HIPK4: variants seen among roughly 807,000 people sequenced by gnomAD.
The protein encoded by HIPK4 is homeodomain interacting protein kinase 4.
In HIPK4, 26 loss-of-function variants were observed where a neutral mutation model predicts 44.8. The observed-to-expected ratio is 0.58, with a 90% CI of 0.43 to 0.80. HIPK4 has a LOEUF of 0.80. HIPK4 is among the 30% of genes least tolerant of loss of function. The pLI is 0.00. For synonymous variants in HIPK4, 340 were observed against 355.5 expected (o/e 0.96, Z 0.49); for missense variants, 729 against 862.6 (o/e 0.85, Z 1.94).
chr19:40,389,896 T>C lies in HIPK4; in HGVS notation c.7A>G (p.Thr3Ala), dbSNP rs1599646935. The C allele has an allele frequency of 6.2e-7, 1 of 1,604,986 alleles. No individual in the cohort carries two copies. Among genetic ancestry groups the C allele is most frequent in the Non-Finnish European group, 8.5e-7 (1 of 1,178,752 alleles). ...TAGCAGTCAGTCTCCGACTGGATGG[T>C]GGACATGGTGCCGCTGCTGCCAGAC... MS[T>A]IQSETDCYDI... The change falls in exon 1 of 4, where the codon ACC becomes GCC. Residue 3 changes from threonine (T) to alanine (A), a missense_variant. By Grantham distance (58) the Thr-to-Ala change is moderately conservative. Coordinates refer to ENST00000291823, the MANE Select transcript of HIPK4 (RefSeq NM_144685.5). This position sits in a 1 kb window ranked among gnomAD's most constrained non-coding sequence, Gnocchi z 4.6.
intron 2 of HIPK4, among the ~76,000 whole-genome samples, chr19:40,383,011 C>T (rs2079344715): frequency 6.7e-6 from 1 of 149,368 alleles, no homozygotes; most frequent in Non-Finnish European, 1.5e-5. Flanking sequence ...CGCACCACTG[C>T]ACTCCAGCCT....
intron 2 of HIPK4, among the ~76,000 whole-genome samples, chr19:40,381,792 T>TTA (rs2079338234): frequency 7.7e-6 from 1 of 129,806 alleles, no homozygotes; most frequent in Non-Finnish European, 1.7e-5. Flanking sequence ...TCCTTTTTTT[T>TTA]TTTTTTTTTT....
rs754177099 is a variant in HIPK4 at position 40,389,933 on chromosome 19, C to T, written c.-31G>A. 2.6e-6 allele frequency: 4 copies of T among 1,563,598 alleles called. No homozygotes were observed. The highest frequency in any genetic ancestry group is 3.5e-6 in the Non-Finnish European group (4 of 1,152,412). Reference sequence around the variant, plus strand: ...CGCTGCTGCCAGACACCGCCCTGCCCAGGCCCCTGTACCACTGGCTCTGCC... The same window carrying T: ...CGCTGCTGCCAGACACCGCCCTGCCTAGGCCCCTGTACCACTGGCTCTGCC... On this transcript the variant is annotated 5_prime_UTR_variant, in exon 1 of 4. Coordinates refer to ENST00000291823, the MANE Select transcript of HIPK4 (RefSeq NM_144685.5). This position sits in a 1 kb window ranked among gnomAD's most constrained non-coding sequence, Gnocchi z 4.6.
At position 40,381,079 on chromosome 19, in the gene HIPK4, G is replaced by A. The variant is rs760914615; in HGVS notation, c.912C>T (p.Thr304=). 34 of 1,612,796 alleles carry A rather than the reference G, an allele frequency of 2.1e-5. No homozygotes were observed. Among genetic ancestry groups the A allele is most frequent in the Non-Finnish European group, 3.4e-6 (4 of 1,180,018 alleles). The change falls in exon 3 of 4, where the codon ACC becomes ACT. Residue 304 remains threonine, a synonymous_variant. Transcript: ENST00000291823. ...VNGGSVASRL[T]FPDREALAEH... ...CCGCCAGCGCCTCCCGGTCAGGGAA[G>A]GTTAGCCGACTGGCCACACTGCCAC...
At chr19:40,381,293 C>G in intron 2 of HIPK4, 125 bp from the exon 3 acceptor site, 1 of 792,048 alleles carries the variant, frequency 1.3e-6, no homozygotes, top group South Asian at 1.8e-5. Context: ...CCTTGGAGCT[C>G]TCTGGCTGCT....
chr19:40,389,804 C>A lies in HIPK4; in HGVS notation c.99G>T (p.Thr33=). Residue 33 remains threonine (T), a synonymous_variant, in exon 1 of 4, where the codon ACG becomes ACT. Coordinates refer to ENST00000291823, the MANE Select transcript of HIPK4 (RefSeq NM_144685.5). The surrounding 1 kb of genome is among the most constrained non-coding windows in gnomAD (Gnocchi z 4.6). ...GEVAKGWRRS[T]GEMVAIKILK... The stretch of plus-strand genomic sequence containing the variant: ...GGATCTTGATGGCCACCATCTCGCC[C>A]GTGCTCCGCCGCCAGCCCTTGGCTA... The A allele has an allele frequency of 6.2e-7, 1 of 1,614,102 alleles. No homozygotes were observed. The highest frequency in any genetic ancestry group is 8.5e-7 in the Non-Finnish European group (1 of 1,180,028).
At chr19:40,388,537 G>A (rs2079373502) in intron 1 of HIPK4, among the ~76,000 whole-genome samples, 1 of 152,118 alleles carries the variant, frequency 6.6e-6, no homozygotes, top group Non-Finnish European at 1.5e-5. Context: ...CTGTGTTTGT[G>A]GAAGTCCCTG....
rs2079348539 is a variant in HIPK4, at chr19:40,383,730, T to G, written c.822+53A>C. 9 of 1,423,924 alleles carry G rather than the reference T, an allele frequency of 6.3e-6. No individual in the cohort carries two copies. In the South Asian group the frequency reaches 1.1e-4, roughly 17 times the overall value. 88.2% of individuals were successfully genotyped at this position (1,423,924 alleles called of 1,614,324 possible). On this transcript the variant is annotated intron_variant, in intron 2 of 3. Transcript: ENST00000291823. The stretch of plus-strand genomic sequence containing the variant: ...AGCCACGTTGCCCACCCTAGAATTT[T>G]TTTTCATGTAACAGCCCCCACACTG...
chr19:40,380,865 C>T lies in HIPK4; in HGVS notation c.1126G>A (p.Glu376Lys). 6.2e-7 allele frequency: 1 copy of T among 1,608,320 alleles called. No homozygotes were observed. Among genetic ancestry groups the T allele is most frequent in the Non-Finnish European group, 8.5e-7 (1 of 1,175,260 alleles). The part of the protein sequence containing the change: ...LRSYRLSLQV[E>K]GKPPTPVVAA... Reference sequence around the variant, plus strand: ...ACGACGGGCGTGGGGGGCTTCCCCTCCACTTGCAGCGAGAGGCGGTAGCTG... The same window carrying T: ...ACGACGGGCGTGGGGGGCTTCCCCTTCACTTGCAGCGAGAGGCGGTAGCTG... The change falls in exon 3 of 4, where the codon GAG (glutamate) becomes AAG (lysine). Residue 376 changes from glutamate to lysine, a missense_variant. By Grantham distance (56) the Glu-to-Lys change is moderately conservative. Around this residue, in one of 2 missense-constraint regions of HIPK4, gnomAD observed 533 missense variants for 567.5 expected, o/e 0.94. Transcript: ENST00000291823. The surrounding 1 kb of genome is among the most constrained non-coding windows in gnomAD (Gnocchi z 4.2).
intron 1 of HIPK4, among the ~76,000 whole-genome samples, chr19:40,387,016 A>G (rs4803334): frequency 0.86 from 131,180 of 151,988 alleles, 56,666 homozygotes; most frequent in East Asian, 0.95. Flanking sequence ...CACCATGCCC[A>G]GCTAATTTTT....
intron 1 of HIPK4, among the ~76,000 whole-genome samples, chr19:40,387,981 A>G (rs2079370785): frequency 7.1e-6 from 1 of 140,336 alleles, no homozygotes; most frequent in African/African-American, 2.7e-5. Flanking sequence ...GATTCCAGGT[A>G]TGTGCCACCA....
intron 1 of HIPK4, among the ~76,000 whole-genome samples, chr19:40,385,817 C>T (rs2079360896): frequency 6.8e-6 from 1 of 147,818 alleles, no homozygotes; most frequent in East Asian, 2.0e-4. Context: ...CAGTGATTCT[C>T]CTGCTTCAGC....
chr19:40,385,866 C>G (rs2079361087), intron 1 of HIPK4, among the ~76,000 whole-genome samples: 1 of 150,094 alleles, frequency 6.7e-6, no homozygotes, highest in Non-Finnish European at 1.5e-5. Flanking sequence ...CACCACCATG[C>G]GCAGCTAATT....
At position 40,380,680 on chromosome 19, in the gene HIPK4, A is replaced by G; in HGVS notation, c.1311T>C (p.Ala437=). The G allele has an allele frequency of 1.2e-6, 2 of 1,614,074 alleles. No individual in the cohort carries two copies. Among genetic ancestry groups the G allele is most frequent in the Non-Finnish European group, 1.7e-6 (2 of 1,179,944 alleles). ...AGGTCTCACCCCACAGCCCATGCCC[A>G]GCCTCCTGCAGACTCAGGTCATCCA... ...DQLDDLSLQE[A]GHGLWGETCT... Residue 437 remains alanine, a synonymous_variant, in exon 3 of 4, where the codon GCT becomes GCC. Coordinates refer to ENST00000291823, the MANE Select transcript of HIPK4 (RefSeq NM_144685.5). This position sits in a 1 kb window ranked among gnomAD's most constrained non-coding sequence, Gnocchi z 4.2.
Position 40,379,432 on chromosome 19 carries a change from G to A in HIPK4, c.*155C>T, listed in dbSNP as rs778680114. ...TAGGAGAGGTGTGCAGGCACGCACC[G>A]CACCGCAGACGGGGAATGAGAATTT... is the stretch of plus-strand genomic sequence containing the variant. On this transcript the variant is annotated 3_prime_UTR_variant, in exon 4 of 4. Transcript: ENST00000291823. 49 of 685,048 alleles carry A rather than the reference G, an allele frequency of 7.2e-5. No homozygotes were observed. The highest frequency in any genetic ancestry group is 4.1e-4 in the Middle Eastern group (1 of 2,420). 42.4% of individuals were successfully genotyped at this position (685,048 alleles called of 1,614,324 possible).
intron 1 of HIPK4, among the ~76,000 whole-genome samples, chr19:40,385,510 C>T (rs1455290090): frequency 6.6e-6 from 1 of 152,026 alleles, no homozygotes; most frequent in African/African-American, 2.4e-5. Flanking sequence ...GCCTCACCTC[C>T]TTCAGGTCTT....
intron 1 of HIPK4, among the ~76,000 whole-genome samples, chr19:40,386,705 T>C (rs934928867): frequency 3.3e-5 from 5 of 152,134 alleles, no homozygotes; most frequent in African/African-American, 1.2e-4. Context: ...GGGCAAAGAA[T>C]TTATCCATTT....
intron 1 of HIPK4, among the ~76,000 whole-genome samples, chr19:40,388,121 G>T (rs1385750298): frequency 6.6e-6 from 1 of 150,812 alleles, no homozygotes; most frequent in South Asian, 2.1e-4. Flanking sequence ...GGTTCTAAGC[G>T]ATTTATCTGC....
chr19:40,381,784 C>CTTTTTTTTTTTTTT (rs55780075), intron 2 of HIPK4, among the ~76,000 whole-genome samples: 5 of 72,260 alleles, frequency 6.9e-5, no homozygotes, highest in Non-Finnish European at 1.0e-4. Context: ...CACTCAGATC[C>CTTTTTTTTTTTTTT]TTTTTTTTTT....
Sources: gnomAD v4.1 joint callset for allele counts (sites outside exome capture counted in the v4.1 genomes callset) on GRCh38, gnomAD v4.1.1 for gene constraint, gnomAD v4.1.1 regional missense constraint, Gnocchi (gnomAD v3.1) non-coding constraint, MANE v1.5 for transcripts, NCBI Gene and HGNC (gene_info 2026-07-23, HGNC 2026-07-21) for gene names.